MADD: variants seen among roughly 807,000 people sequenced by gnomAD.
The protein encoded by MADD is MAP kinase-activating death domain protein.
MADD carries 109 observed loss-of-function variants against 176.7 expected under a neutral mutation model. That is an observed-to-expected ratio of 0.62 (90% confidence interval 0.53 to 0.72). The LOEUF (loss-of-function observed/expected upper bound fraction) is 0.72, where lower values mean the gene tolerates loss of function less well. MADD is among the 30% of genes least tolerant of loss of function. The pLI is 0.00. For missense variants in MADD, 1,914 were observed against 2,045.5 expected, an observed-to-expected ratio of 0.94 and a Z score of 1.24; for synonymous variants, 771 against 771.3, an observed-to-expected ratio of 1.00 and a Z score of 0.01.
chr11:47,301,836 A>G (rs2078017794), intron 22 of MADD, among the ~76,000 whole-genome samples: 1 of 152,150 alleles, frequency 6.6e-6, no homozygotes, highest in Non-Finnish European at 1.5e-5. Flanking sequence ...TAAATTTCTC[A>G]TTATACTTAT....
At chr11:47,326,951 G>T in intron 31 of MADD, 144 bp downstream of exon 35, 1 of 1,441,944 alleles carries the variant, frequency 6.9e-7, no homozygotes. Context: ...GAAGAAAAGG[G>T]ACCCCTGAGA....
intron 28 of MADD, 117 bp downstream of exon 31, chr11:47,323,952 G>C (rs1484082226): frequency 3.4e-6 from 4 of 1,166,322 alleles, no homozygotes; most frequent in South Asian, 1.5e-5. Flanking sequence ...TCTGTCTCCA[G>C]CTGTTGGGTG....
At chr11:47,288,638 A>G (rs2062697116) in intron 15 of MADD, among the ~76,000 whole-genome samples, 1 of 152,194 alleles carries the variant, frequency 6.6e-6, no homozygotes, top group African/African-American at 2.4e-5. Context: ...TTCCCTGCAC[A>G]TACCCTCAGG....
At chr11:47,283,175 G>A (rs577992570) in intron 10 of MADD, among the ~76,000 whole-genome samples, 4 of 152,276 alleles carry the variant, frequency 2.6e-5, no homozygotes, top group Admixed American at 2.0e-4. Context: ...CTCACTGCCA[G>A]CTCCGCCTCC....
chr11:47,275,347 AGTG>A (rs1203942567), intron 3 of MADD, among the ~76,000 whole-genome samples, 188 bp downstream of exon 3: 1 of 152,232 alleles, frequency 6.6e-6, no homozygotes, highest in Non-Finnish European at 1.5e-5. Flanking sequence ...GCTGGAGTAC[AGTG>A]GTGCGATCTC....
intron 27 of MADD, among the ~76,000 whole-genome samples, chr11:47,319,942 G>A (rs181622190): frequency 8.0e-6 from 1 of 125,308 alleles, no homozygotes; most frequent in Non-Finnish European, 1.6e-5. Flanking sequence ...AGTGAGCCGA[G>A]ATCATGCCAC....
At chr11:47,278,641 C>G (rs1213733732) in intron 6 of MADD, among the ~76,000 whole-genome samples, 2 of 152,030 alleles carry the variant, frequency 1.3e-5, no homozygotes, top group South Asian at 4.2e-4. Context: ...TCAGTGCAGG[C>G]TTAATTAATT....
At chr11:47,328,547 GC>G in intron 31 of MADD, 110 bp from the exon 36 acceptor site, 1 of 1,554,876 alleles carries the variant, frequency 6.4e-7, no homozygotes, top group South Asian at 1.2e-5. Context: ...ACTGTGAGAG[GC>G]CACAGAGGGG....
intron 10 of MADD, 72 bp from the exon 11 acceptor site, chr11:47,284,106 C>G (rs1244299699): frequency 2.0e-6 from 2 of 1,000,264 alleles, no homozygotes; most frequent in East Asian, 2.4e-5. Flanking sequence ...TTTTATTTTT[C>G]CTGGTGCTGA....
intron 10 of MADD, 44 bp from the exon 11 acceptor site, chr11:47,284,134 G>T (rs1465404876): frequency 7.6e-7 from 1 of 1,313,766 alleles, no homozygotes; most frequent in Admixed American, 1.7e-5. Context: ...TGTTCTCCCT[G>T]CCCCTTTCTG....
At chr11:47,320,143 CCT>C (rs1364339052) in intron 27 of MADD, among the ~76,000 whole-genome samples, 5 of 149,916 alleles carry the variant, frequency 3.3e-5, no homozygotes, top group African/African-American at 1.2e-4. Flanking sequence ...TTAACTAGTG[CCT>C]CTCACTATTT....
intron 30 of MADD, 25 bp downstream of exon 34, chr11:47,326,577 G>A (rs1385356844): frequency 1.8e-5 from 26 of 1,418,424 alleles, no homozygotes; most frequent in Admixed American, 2.9e-5. Context: ...TGCTATCTTC[G>A]CTTCTTAGCG....
chr11:47,292,408 A>G, intron 19 of MADD, 135 bp from the exon 21 acceptor site: 7 of 762,542 alleles, frequency 9.2e-6, no homozygotes, highest in Middle Eastern at 2.3e-4. Flanking sequence ...CCCCATGAAG[A>G]TATCTTTGTA....
At chr11:47,277,066 C>T (rs1390348590) in intron 5 of MADD, among the ~76,000 whole-genome samples, 1 of 152,242 alleles carries the variant, frequency 6.6e-6, no homozygotes, top group Non-Finnish European at 1.5e-5. Context: ...ATGTTAATGA[C>T]TGTAGGCCAC....
intron 31 of MADD, chr11:47,327,422 T>G (rs982517102): frequency 1.0e-6 from 1 of 985,430 alleles, no homozygotes. Flanking sequence ...ATCGCTGCTA[T>G]GAAAACCTTC....
chr11:47,274,088 A>G, intron 2 of MADD, 112 bp downstream of exon 2: 1 of 1,033,068 alleles, frequency 9.7e-7, no homozygotes, highest in Non-Finnish European at 1.5e-6. Context: ...TTCTCCTGTT[A>G]TTTTACCCTG....
chr11:47,328,993 A>G (rs945662682), intron 32 of MADD, 53 bp from the exon 37 acceptor site: 2 of 1,403,798 alleles, frequency 1.4e-6, no homozygotes, highest in Admixed American at 1.7e-5. Flanking sequence ...TCCTTCACAT[A>G]TGGAGATGGA....
exon 19 of MADD, chr11:47,290,704 G>A (rs936571539): frequency 1.2e-6 from 2 of 1,614,150 alleles, no homozygotes; most frequent in Admixed American, 3.3e-5. Context: ...CAAAGGCTAT[G>A]GCACAACTGA....
intron 1 of MADD, chr11:47,271,825 C>T (rs905670200): frequency 6.6e-6 from 1 of 151,348 alleles, no homozygotes; most frequent in Non-Finnish European, 1.5e-5. Context: ...TTCTCTATTT[C>T]TCTCCCCCTT....
Sources: gnomAD v4.1 joint callset for allele counts (sites outside exome capture counted in the v4.1 genomes callset) on GRCh38, gnomAD v4.1.1 for gene constraint, MANE v1.5 for transcripts, NCBI Gene and HGNC (gene_info 2026-07-23, HGNC 2026-07-21) for gene names.